Variants in EFHD1 observed in about 807,000 individuals in gnomAD.
EFHD1 encodes EF-hand domain-containing protein D1.
EFHD1 carries 10 observed loss-of-function variants against 17.2 expected under a neutral mutation model. The observed-to-expected ratio is 0.58, with a 90% confidence interval of 0.36 to 0.99. EFHD1 has a LOEUF of 0.99. Ranked by LOEUF, EFHD1 falls within the 50% of genes least tolerant of loss-of-function variation. The pLI, the probability that EFHD1 is intolerant of heterozygous loss-of-function variation, is 0.01. For missense variants in EFHD1, 310 were observed against 327.5 expected (o/e 0.95, Z 0.41); for synonymous variants, 153 against 142.0 (o/e 1.08, Z -0.55).
intron 1 of EFHD1, among the ~76,000 whole-genome samples, chr2:232,651,125 C>A (rs1039576784): frequency 4.6e-5 from 7 of 152,142 alleles, no homozygotes; most frequent in Admixed American, 2.0e-4. Context: ...GGGCCCAGGG[C>A]TGGGGCTCTG....
chr2:232,666,844 T>C (rs1694975886), intron 2 of EFHD1, among the ~76,000 whole-genome samples: 1 of 152,156 alleles, frequency 6.6e-6, no homozygotes, highest in Non-Finnish European at 1.5e-5. Flanking sequence ...TTTCCACCTC[T>C]GCTTAAGGCC....
chr2:232,613,839 TACAC>T (rs1008164195), intron 1 of EFHD1, among the ~76,000 whole-genome samples: 7 of 122,588 alleles, frequency 5.7e-5, no homozygotes, highest in African/African-American at 3.2e-5. Context: ...TATACACACA[TACAC>T]ACACAAATAT....
intron 2 of EFHD1, among the ~76,000 whole-genome samples, chr2:232,671,500 C>T (rs540366113): frequency 2.7e-4 from 40 of 150,790 alleles, no homozygotes; most frequent in South Asian, 6.3e-4. Context: ...CCGAGGCGGG[C>T]GGATTACCTG....
At chr2:232,612,621 A>C (rs1366795148) in intron 1 of EFHD1, among the ~76,000 whole-genome samples, 1 of 152,180 alleles carries the variant, frequency 6.6e-6, no homozygotes, top group African/African-American at 2.4e-5. Context: ...GAGGCTGACC[A>C]CACCAAGACT....
intron 1 of EFHD1, among the ~76,000 whole-genome samples, chr2:232,607,074 G>C (rs1225303561): frequency 6.6e-6 from 1 of 150,892 alleles, no homozygotes; most frequent in Non-Finnish European, 1.5e-5. Flanking sequence ...TCACTACAAC[G>C]TCCACCTCCC....
At chr2:232,614,116 A>G (rs1040262549) in intron 1 of EFHD1, among the ~76,000 whole-genome samples, 36 of 151,884 alleles carry the variant, frequency 2.4e-4, no homozygotes, top group Non-Finnish European at 4.6e-4. Context: ...TTATACACAC[A>G]TGCACATACA....
intron 1 of EFHD1, among the ~76,000 whole-genome samples, chr2:232,617,735 G>A (rs1440830144): frequency 6.6e-6 from 1 of 150,974 alleles, no homozygotes; most frequent in Non-Finnish European, 1.5e-5. Flanking sequence ...GGCCAAGGCA[G>A]GTGGATCACC....
intron 3 of EFHD1, among the ~76,000 whole-genome samples, chr2:232,674,870 A>G (rs78590548): frequency 0.042 from 6,360 of 151,972 alleles, 236 homozygotes; most frequent in East Asian, 0.21. Flanking sequence ...AGAGGGTGAG[A>G]CGTGTTTGGA....
At chr2:232,639,871 C>T (rs1459118885) in intron 1 of EFHD1, among the ~76,000 whole-genome samples, 1 of 152,186 alleles carries the variant, frequency 6.6e-6, no homozygotes, top group African/African-American at 2.4e-5. Context: ...CAACCTCACA[C>T]ACTCACACAT....
chr2:232,679,304 A>ATT (rs1695232609), intron 3 of EFHD1, among the ~76,000 whole-genome samples: 1 of 152,220 alleles, frequency 6.6e-6, no homozygotes, highest in African/African-American at 2.4e-5. Context: ...TTAAAGTTAA[A>ATT]AGACGAGCAA....
chr2:232,641,431 C>T (rs1240132363), intron 1 of EFHD1, among the ~76,000 whole-genome samples: 5 of 152,176 alleles, frequency 3.3e-5, no homozygotes, highest in Admixed American at 2.0e-4. Context: ...GACTCCCTGG[C>T]GTGAGAGGCT....
intron 1 of EFHD1, among the ~76,000 whole-genome samples, chr2:232,620,250 C>G (rs1185338633): frequency 1.3e-5 from 2 of 151,392 alleles, no homozygotes; most frequent in Non-Finnish European, 2.9e-5. Context: ...TAGCCGGGCG[C>G]GGTGGCAGGC....
rs941864504 is a variant in EFHD1, at chr2:232,633,678, C to G, written c.-27C>G. 8 of 1,406,924 alleles carry G rather than the reference C, an allele frequency of 5.7e-6. No individual in the cohort carries two copies. Among genetic ancestry groups the G allele is most frequent in the Non-Finnish European group, 7.3e-6 (8 of 1,091,670 alleles). The allele number at this position is 1,406,924 out of a possible 1,614,324, so 87.2% of individuals were successfully genotyped here. On this transcript the variant is annotated 5_prime_UTR_variant, in exon 1 of 4. Transcript: ENST00000264059. ...CCCTGCGTCCCGTCCCGCGTCCCCGCGTTCCCGCGTCCTGCGATCCGCCGC... is the reference window on the plus strand; with the variant it reads ...CCCTGCGTCCCGTCCCGCGTCCCCGGGTTCCCGCGTCCTGCGATCCGCCGC...
intron 1 of EFHD1, among the ~76,000 whole-genome samples, chr2:232,623,684 AAAAAAAAAAAGAAGAAGAAG>A (rs1346985821): frequency 8.1e-6 from 1 of 123,080 alleles, no homozygotes; most frequent in Non-Finnish European, 1.7e-5. Context: ...AAAAAAAAAA[AAAAAAAAAAAGAAGAAGAAG>A]AAGAAGAAGA....
intron 1 of EFHD1, among the ~76,000 whole-genome samples, chr2:232,662,262 G>GACGA (rs1694884995): frequency 6.6e-6 from 1 of 152,110 alleles, no homozygotes; most frequent in African/African-American, 2.4e-5. Context: ...GCGAACCAGA[G>GACGA]GGGAATCATG....
upstream of EFHD1, chr2:232,633,513 C>T: frequency 2.4e-6 from 3 of 1,267,282 alleles, no homozygotes; most frequent in Admixed American, 1.3e-4. Flanking sequence ...TGAGCCCTGG[C>T]GCCTCCTTAA....
chr2:232,644,090 G>A (rs1574715464), intron 1 of EFHD1, among the ~76,000 whole-genome samples: 1 of 152,220 alleles, frequency 6.6e-6, no homozygotes, highest in African/African-American at 2.4e-5. Flanking sequence ...CCGCTCCCAG[G>A]CCAGCTTTCA....
At chr2:232,609,597 A>G (rs1357623811) in intron 1 of EFHD1, among the ~76,000 whole-genome samples, 1 of 152,092 alleles carries the variant, frequency 6.6e-6, no homozygotes, top group Admixed American at 6.6e-5. Context: ...TGTCTTGACC[A>G]GAGTTAAACC....
At chr2:232,628,949 G>A (rs374466759), upstream of EFHD1, among the ~76,000 whole-genome samples, 6 of 152,268 alleles carry the variant, frequency 3.9e-5, no homozygotes, top group African/African-American at 1.4e-4. Context: ...TGACCATGTT[G>A]AGAGGAAGCC....
Sources: gnomAD v4.1 joint callset for allele counts (sites outside exome capture counted in the v4.1 genomes callset) on GRCh38, gnomAD v4.1.1 for gene constraint, MANE v1.5 for transcripts, NCBI Gene and HGNC (gene_info 2026-07-23, HGNC 2026-07-21) for gene names.